The following NAV3 variants were observed in gnomAD, a reference collection of about 807,000 sequenced individuals.
The protein encoded by NAV3 is neuron navigator 3, also known as pore membrane and/or filament interacting like protein 1.
NAV3 carries 87 observed loss-of-function variants against 244.7 expected under a neutral mutation model. The observed-to-expected ratio is 0.36, with a 90% CI of 0.30 to 0.42. The LOEUF is 0.42. Among genes scored for constraint, NAV3 ranks in the 20% least tolerant of loss-of-function variants. The pLI is 1.00. For synonymous variants in NAV3, 1,126 were observed against 1,042.2 expected, an observed-to-expected ratio of 1.08 and a Z score of -1.55; for missense variants, 2,663 against 2,893.3, an observed-to-expected ratio of 0.92 and a Z score of 1.83.
chr12:77,718,384 T>C (rs1876459214), intron 2 of NAV3, among the ~76,000 whole-genome samples: 1 of 152,170 alleles, frequency 6.6e-6, no homozygotes, highest in South Asian at 2.1e-4. Context: ...ATTTGACCAA[T>C]TTATGCATGG....
intron 2 of NAV3, among the ~76,000 whole-genome samples, chr12:77,626,607 A>C (rs1339923524): frequency 6.6e-6 from 1 of 152,158 alleles, no homozygotes; most frequent in Admixed American, 6.5e-5. Context: ...ATTTTTCAAC[A>C]GAAACTACAC....
chr12:77,898,124 G>T (rs2619065), intron 1 of NAV3, among the ~76,000 whole-genome samples: 81,484 of 151,980 alleles, frequency 0.54, 22,635 homozygotes, highest in African/African-American at 0.69. Context: ...CTACCTAGAC[G>T]AATATCACAC....
intron 23 of NAV3, among the ~76,000 whole-genome samples, chr12:78,166,327 T>C (rs1367352226): frequency 6.6e-6 from 1 of 151,800 alleles, no homozygotes; most frequent in Non-Finnish European, 1.5e-5. Flanking sequence ...TCTCATTAAC[T>C]GAAATGAGAG....
At chr12:78,188,914 C>A (rs922022050) in intron 33 of NAV3, 137 bp downstream of exon 33, 15 of 677,084 alleles carry the variant, frequency 2.2e-5, no homozygotes, top group Non-Finnish European at 3.6e-5. Context: ...ATCAATATGA[C>A]TCATTTCATA....
chr12:78,138,293 G>A (rs1021573997), intron 19 of NAV3, among the ~76,000 whole-genome samples: 4 of 152,062 alleles, frequency 2.6e-5, no homozygotes, highest in Non-Finnish European at 5.9e-5. Flanking sequence ...TTATCCCTAA[G>A]TTCTGCATCT....
At chr12:77,575,673 G>A (rs986846567) in intron 2 of NAV3, among the ~76,000 whole-genome samples, 2 of 152,058 alleles carry the variant, frequency 1.3e-5, no homozygotes, top group Non-Finnish European at 2.9e-5. Flanking sequence ...GTAATTAATC[G>A]TGACCTTGAA....
At chr12:78,167,668 A>C (rs1593875114) in intron 23 of NAV3, among the ~76,000 whole-genome samples, 1 of 151,676 alleles carries the variant, frequency 6.6e-6, no homozygotes. Context: ...CAGAGAATGA[A>C]GAACCGAGGC....
intron 5 of NAV3, among the ~76,000 whole-genome samples, chr12:77,986,142 A>G (rs535543442): frequency 2.0e-4 from 30 of 152,284 alleles, no homozygotes; most frequent in Admixed American, 1.8e-3. Context: ...CGGGTGGATC[A>G]CTTGAGGTCA....
At chr12:77,798,023 G>T (rs1317640135) in intron 2 of NAV3, among the ~76,000 whole-genome samples, 1 of 151,810 alleles carries the variant, frequency 6.6e-6, no homozygotes, top group Non-Finnish European at 1.5e-5. Flanking sequence ...ACAAAAATTA[G>T]TGGTGGCACA....
At chr12:77,657,936 T>G (rs1873203108) in intron 2 of NAV3, among the ~76,000 whole-genome samples, 1 of 152,080 alleles carries the variant, frequency 6.6e-6, no homozygotes, top group South Asian at 2.1e-4. Flanking sequence ...CTCAATAAAT[T>G]AGGTATTGAT....
chr12:77,669,631 CT>C (rs1020153077), intron 2 of NAV3, among the ~76,000 whole-genome samples: 2 of 152,024 alleles, frequency 1.3e-5, no homozygotes, highest in Non-Finnish European at 2.9e-5. Context: ...TGATAAAAGA[CT>C]AGTACAACAG....
intron 2 of NAV3, among the ~76,000 whole-genome samples, chr12:77,821,092 A>AACACAC (rs10555319): frequency 1.0e-4 from 15 of 150,284 alleles, no homozygotes; most frequent in Middle Eastern, 3.5e-3. Context: ...TGTTCGCACA[A>AACACAC]ACACACACAC....
intron 3 of NAV3, among the ~76,000 whole-genome samples, chr12:77,946,044 C>A (rs1011336608): frequency 1.3e-5 from 2 of 149,634 alleles, no homozygotes; most frequent in African/African-American, 4.9e-5. Flanking sequence ...CAGGCATGAG[C>A]CACCATGCCT....
chr12:77,725,644 A>T (rs1414403605), intron 2 of NAV3, among the ~76,000 whole-genome samples: 1 of 151,998 alleles, frequency 6.6e-6, no homozygotes, highest in Admixed American at 6.6e-5. Flanking sequence ...GAAAAAAAAA[A>T]AGTGAACTCT....
chr12:77,697,252 A>G (rs779017525), intron 2 of NAV3, among the ~76,000 whole-genome samples: 28 of 152,046 alleles, frequency 1.8e-4, no homozygotes, highest in Non-Finnish European at 3.8e-4. Context: ...CCATGTAGTC[A>G]TCCACCCCCC....
chr12:78,057,767 C>T (rs1883723137), intron 11 of NAV3, among the ~76,000 whole-genome samples: 1 of 152,194 alleles, frequency 6.6e-6, no homozygotes, highest in African/African-American at 2.4e-5. Flanking sequence ...CCTCAGCCCA[C>T]ACAGCTAGTA....
chr12:78,095,098 T>TATATACAC (rs1313180938), intron 12 of NAV3, among the ~76,000 whole-genome samples: 32 of 143,626 alleles, frequency 2.2e-4, no homozygotes, highest in African/African-American at 8.1e-4. Flanking sequence ...CATATATATA[T>TATATACAC]ACACATATAT....
chr12:78,181,390 G>T (rs1043242798), intron 30 of NAV3, among the ~76,000 whole-genome samples: 8 of 151,980 alleles, frequency 5.3e-5, no homozygotes, highest in African/African-American at 1.9e-4. Context: ...TATTAAGTGT[G>T]CAAAACCCAT....
intron 2 of NAV3, among the ~76,000 whole-genome samples, chr12:77,806,421 T>G (rs890499285): frequency 2.6e-5 from 4 of 152,146 alleles, no homozygotes; most frequent in Non-Finnish European, 5.9e-5. Context: ...ATTTTGTTAT[T>G]TACCCAGTAG....
Sources: allele counts gnomAD v4.1 joint callset (sites outside exome capture counted in the v4.1 genomes callset), GRCh38; gene constraint gnomAD v4.1.1; transcripts MANE v1.5; gene names NCBI Gene and HGNC (gene_info 2026-07-23, HGNC 2026-07-21).